Variants in EIF4E observed in about 807,000 individuals in gnomAD.
EIF4E encodes the protein eukaryotic translation initiation factor 4E.
For missense variants in EIF4E, 113 were observed against 265.6 expected, an observed-to-expected ratio of 0.43 and a Z score of 3.99; for synonymous variants, 71 against 88.5, an observed-to-expected ratio of 0.80 and a Z score of 1.11.
intron 2 of EIF4E, among the ~76,000 whole-genome samples, chr4:98,894,665 C>T (rs935899967): frequency 2.0e-5 from 3 of 152,194 alleles, no homozygotes; most frequent in Admixed American, 2.0e-4. Flanking sequence ...TTATTTACTA[C>T]CCAGACCACT....
chr4:98,925,035 T>C (rs974688193), intron 1 of EIF4E, among the ~76,000 whole-genome samples: 4 of 152,232 alleles, frequency 2.6e-5, no homozygotes, highest in Admixed American at 6.5e-5. Context: ...TGGTTGGCAT[T>C]CAATTGTTCA....
At chr4:98,889,359 A>G (rs149261131) in intron 3 of EIF4E, among the ~76,000 whole-genome samples, 151 of 152,294 alleles carry the variant, frequency 9.9e-4, no homozygotes, top group African/African-American at 3.2e-3. Context: ...GTGACTATAA[A>G]ATTAGCGCTA....
In EIF4E at chr4:98,887,132, T is replaced by C; in HGVS notation, c.346A>G (p.Thr116Ala). 6.2e-7 allele frequency: 1 copy of C among 1,614,050 alleles called. No homozygotes were observed. The highest frequency in any genetic ancestry group is 8.5e-7 in the Non-Finnish European group (1 of 1,179,928). ...CTTCGTCTCTGCTGTTTGTTCAATGTAATTAGCCATCGTCCTCCCCGTTTG... is the reference window on the plus strand; with the variant it reads ...CTTCGTCTCTGCTGTTTGTTCAATGCAATTAGCCATCGTCCTCCCCGTTTG... ...KNKRGGRWLI[T>A]LNKQQRRSDL... The change falls in exon 5 of 7, where the codon ACA becomes GCA. Residue 116 changes from threonine (T) to alanine (A), a missense_variant. Transcript: ENST00000450253. This position sits in a 1 kb window ranked among gnomAD's most constrained non-coding sequence, Gnocchi z 4.0.
At chr4:98,908,672 T>C (rs1724982139) in intron 1 of EIF4E, among the ~76,000 whole-genome samples, 3 of 152,222 alleles carry the variant, frequency 2.0e-5, no homozygotes, top group Admixed American at 1.3e-4. Context: ...TTTTACTTGA[T>C]AGGGAACATT....
At chr4:98,882,011 G>C (rs1385036999) in intron 6 of EIF4E, among the ~76,000 whole-genome samples, 1 of 152,160 alleles carries the variant, frequency 6.6e-6, no homozygotes, top group Admixed American at 6.5e-5. Context: ...AGGCTGTGTG[G>C]CTATGGCTTG....
chr4:98,888,516 AATAAATAT>A (rs1724015207), intron 3 of EIF4E, among the ~76,000 whole-genome samples: 1 of 152,152 alleles, frequency 6.6e-6, no homozygotes, highest in African/African-American at 2.4e-5. Context: ...AAAATAAATA[AATAAATAT>A]AGTTACAAGC....
chr4:98,896,807 C>T (rs1218987013), intron 2 of EIF4E, among the ~76,000 whole-genome samples: 1 of 151,226 alleles, frequency 6.6e-6, no homozygotes, highest in African/African-American at 2.4e-5. Flanking sequence ...AAAACTCCAA[C>T]TCTACAAAAA....
chr4:98,893,119 T>C (rs1007326660), intron 2 of EIF4E, among the ~76,000 whole-genome samples: 1 of 152,178 alleles, frequency 6.6e-6, no homozygotes, highest in Non-Finnish European at 1.5e-5. Context: ...TACTGTAGTC[T>C]ACATTATGTC....
chr4:98,927,364 T>C (rs1395312846), intron 1 of EIF4E, among the ~76,000 whole-genome samples: 1 of 151,976 alleles, frequency 6.6e-6, no homozygotes, highest in Admixed American at 6.6e-5. Flanking sequence ...TTTATAAAAG[T>C]CTTTAAAAGT....
chr4:98,925,808 C>A (rs1725840210), intron 1 of EIF4E, among the ~76,000 whole-genome samples: 1 of 152,076 alleles, frequency 6.6e-6, no homozygotes, highest in Admixed American at 6.5e-5. Context: ...TAAGAAAAAA[C>A]ATGATTTTTG....
chr4:98,895,878 T>C (rs912249146), intron 2 of EIF4E, among the ~76,000 whole-genome samples: 6 of 151,976 alleles, frequency 3.9e-5, no homozygotes, highest in Non-Finnish European at 5.9e-5. Flanking sequence ...AAGTGAGACC[T>C]CATCTCTACT....
intron 3 of EIF4E, 83 bp from the exon 4 acceptor site, chr4:98,888,035 T>C (rs1343370529): frequency 8.6e-7 from 1 of 1,165,356 alleles, no homozygotes; most frequent in Non-Finnish European, 1.2e-6. Flanking sequence ...ATTTAGAACA[T>C]ATGATGAAAA....
intron 1 of EIF4E, among the ~76,000 whole-genome samples, chr4:98,908,096 C>T (rs1158286069): frequency 6.6e-6 from 1 of 152,098 alleles, no homozygotes; most frequent in East Asian, 1.9e-4. Flanking sequence ...CCTAAACTAC[C>T]TAGGGTATGC....
chr4:98,909,634 G>C (rs1359562855), intron 1 of EIF4E: 2 of 709,708 alleles, frequency 2.8e-6, no homozygotes, highest in South Asian at 3.0e-5. Flanking sequence ...CCAAAGAACA[G>C]TATATGCAGC....
chr4:98,914,182 C>A (rs957264214), intron 1 of EIF4E, among the ~76,000 whole-genome samples: 9 of 151,344 alleles, frequency 5.9e-5, no homozygotes, highest in Admixed American at 4.6e-4. Context: ...ATGGTGAAAC[C>A]TCGTCTCTAC....
rs1433319838 is a variant in EIF4E at position 98,922,702 on chromosome 4, G to GT, written c.18+6392dup. ...GTTACAAACAAGGTATGTTTATAAGGTTTTTTTAGTTAGTTGCTTACAACT... is the reference window on the plus strand; with the variant it reads ...GTTACAAACAAGGTATGTTTATAAGGTTTTTTTTAGTTAGTTGCTTACAACT... On this transcript the variant is annotated intron_variant, in intron 1 of 6. Transcript: ENST00000450253. Among the ~76,000 whole-genome samples the GT allele has an allele frequency of 2.0e-5, 3 of 151,874 alleles. No homozygotes were observed. The East Asian group carries it at 5.8e-4, about 29-fold the overall frequency.
At chr4:98,925,695 C>T (rs1454774569) in intron 1 of EIF4E, among the ~76,000 whole-genome samples, 1 of 152,082 alleles carries the variant, frequency 6.6e-6, no homozygotes, top group Non-Finnish European at 1.5e-5. Flanking sequence ...CATCCAGATA[C>T]CTATGCATGA....
rs1579150529 is a variant in EIF4E at position 98,887,321 on chromosome 4, T to C, written c.286-129A>G. On this transcript the variant is annotated intron_variant, in intron 4 of 6. Transcript: ENST00000450253. This position sits in a 1 kb window ranked among gnomAD's most constrained non-coding sequence, Gnocchi z 4.0. ...ATTGCCCATAAAACTGCCATTGATG[T>C]AGTTTTTAAACAGCACATAAGACTT... 2.1e-6 allele frequency: 2 copies of C among 967,274 alleles called. No homozygotes were observed. The highest frequency in any genetic ancestry group is 4.9e-5 in the East Asian group (2 of 40,912). 59.9% of individuals were successfully genotyped at this position (967,274 alleles called of 1,614,324 possible). A position where few individuals can be genotyped will look rare whatever the true frequency, so the allele number is the denominator to read the frequency against.
At chr4:98,894,961 A>T (rs1355908768) in intron 2 of EIF4E, among the ~76,000 whole-genome samples, 2 of 152,224 alleles carry the variant, frequency 1.3e-5, no homozygotes, top group Non-Finnish European at 2.9e-5. Flanking sequence ...CTTAATTTCA[A>T]CATTGTTGTG....
Sources: gnomAD v4.1 joint callset for allele counts (sites outside exome capture counted in the v4.1 genomes callset) on GRCh38, gnomAD v4.1.1 for gene constraint, Gnocchi (gnomAD v3.1) non-coding constraint, MANE v1.5 for transcripts, NCBI Gene and HGNC (gene_info 2026-07-23, HGNC 2026-07-21) for gene names.